DPP6: variants seen among roughly 807,000 people sequenced by gnomAD.
The protein encoded by DPP6 is dipeptidyl peptidase like 6.
DPP6 carries 69 observed loss-of-function variants against 122.6 expected under a neutral mutation model. The ratio of observed to expected loss-of-function variants is 0.56; its 90% confidence interval spans 0.46 to 0.69. DPP6 has a LOEUF of 0.69. Among genes scored for constraint, DPP6 ranks in the 30% least tolerant of loss-of-function variants. The pLI is 0.00. For missense variants in DPP6, 928 were observed against 1,116.9 expected, an observed-to-expected ratio of 0.83 and a Z score of 2.41; for synonymous variants, 418 against 433.1, an observed-to-expected ratio of 0.97 and a Z score of 0.43.
At chr7:154,496,891 T>C (rs10233895) in intron 3 of DPP6, among the ~76,000 whole-genome samples, 99,215 of 152,008 alleles carry the variant, frequency 0.65, 32,593 homozygotes, top group Admixed American at 0.72. Flanking sequence ...ATGCTTTTAT[T>C]GTTTAGCCTA....
the DPP6 span, among the ~76,000 whole-genome samples, chr7:153,834,966 T>C: frequency 6.6e-6 from 1 of 152,166 alleles, no homozygotes; most frequent in African/African-American, 2.4e-5. Flanking sequence ...TCTTGAGGAA[T>C]GGTAGTATTA....
At chr7:154,544,933 G>C (rs956938523) in intron 4 of DPP6, among the ~76,000 whole-genome samples, 9 of 152,172 alleles carry the variant, frequency 5.9e-5, no homozygotes, top group Non-Finnish European at 1.2e-4. Context: ...GGCTGCGTGG[G>C]TCCAGGCAGC....
chr7:154,637,978 G>A, intron 6 of DPP6, 105 bp downstream of exon 6: 1 of 1,273,150 alleles, frequency 7.9e-7, no homozygotes, highest in Non-Finnish European at 1.1e-6. Context: ...TGGCGTTCCA[G>A]TTCTCACAGC....
At chr7:154,230,531 G>A (rs748420100) in intron 1 of DPP6, among the ~76,000 whole-genome samples, 3 of 152,190 alleles carry the variant, frequency 2.0e-5, no homozygotes, top group Non-Finnish European at 2.9e-5. Context: ...GCCCATGAGA[G>A]CCACAAGGGA....
chr7:154,305,681 T>G, intron 1 of DPP6: 2 of 1,373,592 alleles, frequency 1.5e-6, no homozygotes, highest in Non-Finnish European at 2.0e-6. Context: ...GTATTTTGTA[T>G]TGGTTTATGA....
chr7:154,656,546 C>T (rs1198243427), intron 6 of DPP6, among the ~76,000 whole-genome samples: 1 of 152,180 alleles, frequency 6.6e-6, no homozygotes, highest in Non-Finnish European at 1.5e-5. Flanking sequence ...AGAAGATCTT[C>T]AGAGAAGCAA....
intron 1 of DPP6, among the ~76,000 whole-genome samples, chr7:154,298,894 G>T (rs536166024): frequency 6.6e-6 from 1 of 152,338 alleles, no homozygotes; most frequent in African/African-American, 2.4e-5. Flanking sequence ...TGCTTGTTGG[G>T]CCTGGCTCTG....
Position 154,029,966 on chromosome 7 carries a change from G to C in DPP6, c.51+142232G>C, listed in dbSNP as rs1237273314. Among the ~76,000 whole-genome samples the C allele has an allele frequency of 3.9e-5, 6 of 152,270 alleles. No individual in the cohort carries two copies. In the East Asian group the frequency reaches 1.2e-3, roughly 29 times the overall value. ...ATCCCAGCACTTTGGGAAGCTGAGG[G>C]GGGCAGATCACTTGAGGCCAGGTGT... On this transcript the variant is annotated intron_variant, in intron 1 of 25. Transcript: ENST00000404039.
intron 1 of DPP6, among the ~76,000 whole-genome samples, chr7:154,346,725 C>T (rs942548921): frequency 3.9e-5 from 6 of 152,160 alleles, no homozygotes; most frequent in African/African-American, 1.4e-4. Flanking sequence ...GTGTTCATGC[C>T]CAGGTAGGCT....
At chr7:154,002,177 A>T (rs552680963) in intron 1 of DPP6, among the ~76,000 whole-genome samples, 10 of 152,108 alleles carry the variant, frequency 6.6e-5, no homozygotes, top group Admixed American at 1.3e-4. Context: ...TTGAGTGAAC[A>T]ATCACATTTA....
At position 154,265,261 on chromosome 7, in the gene DPP6, G is replaced by A. The variant is rs940060911; in HGVS notation, c.244-180953G>A. Among the ~76,000 whole-genome samples, 23 of 140,908 alleles carry A rather than the reference G, an allele frequency of 1.6e-4. 1 individual carries two copies. Among genetic ancestry groups the A allele is most frequent in the African/African-American group, 3.9e-4 (16 of 40,738 alleles). The allele number at this position is 140,908 out of a possible 152,430, so 92.4% of individuals were successfully genotyped here. ...TGATGATGTTGATGGTGTTAATGGC[G>A]ATGATGATGATGGTCATAATGATGA... is the stretch of plus-strand genomic sequence containing the variant. On this transcript the variant is annotated intron_variant, in intron 1 of 25. Coordinates refer to ENST00000377770, the MANE Select transcript of DPP6 (RefSeq NM_130797.4).
At chr7:154,189,191 C>T (rs1037999469) in intron 1 of DPP6, among the ~76,000 whole-genome samples, 40 of 152,082 alleles carry the variant, frequency 2.6e-4, no homozygotes, top group African/African-American at 9.7e-4. Context: ...ACCTTTTTCC[C>T]CAAGGGACTA....
chr7:154,463,041 A>C (rs1821428133), intron 2 of DPP6, among the ~76,000 whole-genome samples: 1 of 151,956 alleles, frequency 6.6e-6, no homozygotes, highest in African/African-American at 2.4e-5. Flanking sequence ...ATTATCTGCA[A>C]ACAAGGATAA....
chr7:153,993,097 A>G (rs1324049715), intron 1 of DPP6, among the ~76,000 whole-genome samples: 1 of 152,034 alleles, frequency 6.6e-6, no homozygotes, highest in Non-Finnish European at 1.5e-5. Context: ...AGTAGAAGCC[A>G]CTCCTGCTTC....
intron 22 of DPP6, 90 bp from the exon 23 acceptor site, chr7:154,887,586 A>G: frequency 3.8e-6 from 5 of 1,331,430 alleles, no homozygotes; most frequent in Non-Finnish European, 5.4e-6. Flanking sequence ...CTCACCCCGC[A>G]CCCGGTCCAG....
At chr7:154,740,687 C>T (rs993083443) in intron 8 of DPP6, among the ~76,000 whole-genome samples, 1 of 152,188 alleles carries the variant, frequency 6.6e-6, no homozygotes, top group Non-Finnish European at 1.5e-5. Flanking sequence ...TAACAATTCT[C>T]GGTTTTACTT....
intron 5 of DPP6, among the ~76,000 whole-genome samples, chr7:154,626,059 A>G (rs1365520805): frequency 6.6e-6 from 1 of 152,172 alleles, no homozygotes; most frequent in African/African-American, 2.4e-5. Context: ...CCAGTAGAAG[A>G]CAGGGATATG....
At chr7:153,912,744 T>G (rs553738512) in intron 1 of DPP6, among the ~76,000 whole-genome samples, 1 of 152,192 alleles carries the variant, frequency 6.6e-6, no homozygotes, top group African/African-American at 2.4e-5. Flanking sequence ...AAATGAAAGT[T>G]TTCAAATCAT....
chr7:153,966,492 G>A (rs1306424355), intron 1 of DPP6, among the ~76,000 whole-genome samples: 8 of 140,216 alleles, frequency 5.7e-5, no homozygotes, highest in South Asian at 2.4e-4. Flanking sequence ...CCCTTCTCCC[G>A]TTCATCTTCC....
Sources: gnomAD v4.1 joint callset for allele counts (sites outside exome capture counted in the v4.1 genomes callset) on GRCh38, gnomAD v4.1.1 for gene constraint, MANE v1.5 for transcripts, NCBI Gene and HGNC (gene_info 2026-07-23, HGNC 2026-07-21) for gene names.